The following IL17RA variants were observed in gnomAD, a reference collection of about 807,000 sequenced individuals.
IL17RA encodes interleukin-17 receptor A.
In IL17RA, 34 loss-of-function variants were observed where a neutral mutation model predicts 50.4. The observed-to-expected ratio is 0.67, with a 90% confidence interval of 0.51 to 0.90. The LOEUF (loss-of-function observed/expected upper bound fraction) is 0.90. Ranked by LOEUF, IL17RA falls within the 40% of genes least tolerant of loss-of-function variation. The probability of loss-of-function intolerance (pLI) is 0.00; values close to 1 mark genes in which losing one functional copy is unlikely to be tolerated. For synonymous variants in IL17RA, 585 were observed against 510.4 expected, an observed-to-expected ratio of 1.15 and a Z score of -1.97; for missense variants, 1,276 against 1,169.8, an observed-to-expected ratio of 1.09 and a Z score of -1.32.
At position 17,110,633 on chromosome 22, in the gene IL17RA, AG is replaced by A. The variant is rs971829692; in HGVS notation, c.*814del. 3.9e-5 allele frequency: 6 copies of A among 152,268 alleles called. No individual in the cohort carries two copies. Among genetic ancestry groups the A allele is most frequent in the African/African-American group, 1.2e-4 (5 of 41,366 alleles). 9.4% of individuals were successfully genotyped at this position (152,268 alleles called of 1,614,324 possible). A position where few individuals can be genotyped will look rare whatever the true frequency, so the allele number is the denominator to read the frequency against. On this transcript the variant is annotated 3_prime_UTR_variant, in exon 13 of 13. Coordinates refer to ENST00000319363, the MANE Select transcript of IL17RA (RefSeq NM_014339.7). ...TGCTTGAGCTCAGGAGTTCAAGACCAGCCTGGGCGACATAGTGAGACCTCAT... is the reference window on the plus strand; with the variant it reads ...TGCTTGAGCTCAGGAGTTCAAGACCACCTGGGCGACATAGTGAGACCTCAT...
chr22:17,100,542 G>C, intron 5 of IL17RA, 61 bp downstream of exon 5: 2 of 1,599,778 alleles, frequency 1.3e-6, no homozygotes, highest in Non-Finnish European at 1.7e-6. Context: ...GAAGCACCAG[G>C]TGGCACAGAT....
At chr22:17,087,276 A>G (rs931692974) in intron 1 of IL17RA, among the ~76,000 whole-genome samples, 1 of 152,220 alleles carries the variant, frequency 6.6e-6, no homozygotes, top group East Asian at 1.9e-4. Flanking sequence ...GCAGCATCGC[A>G]CTTACTGTCT....
At chr22:17,090,304 G>A (rs905028734) in intron 1 of IL17RA, among the ~76,000 whole-genome samples, 5 of 152,282 alleles carry the variant, frequency 3.3e-5, no homozygotes, top group South Asian at 2.1e-4. Flanking sequence ...GATTACAGGC[G>A]TGAGCCATGA....
rs749068493 is a variant in IL17RA, at chr22:17,108,855, C to T, written c.1636C>T (p.Arg546Cys). ...GGACCTGGAGATGTTCCAGCCGGGC[C>T]GCATGCACCGCGTAGGGGAGCTGTC... ...IQDLEMFQPG[R>C]MHRVGELSGD... Residue 546 changes from arginine (R) to cysteine (C), a missense_variant, in exon 13 of 13, where the codon CGC becomes TGC. Physicochemically the swap from Arg to Cys is radical, Grantham distance 180. Coordinates refer to ENST00000319363, the MANE Select transcript of IL17RA (RefSeq NM_014339.7). 4.4e-6 allele frequency: 7 copies of T among 1,608,718 alleles called. No individual in the cohort carries two copies. In the East Asian group the frequency reaches 1.1e-4, roughly 26 times the overall value.
Position 17,098,823 on chromosome 22 carries a change from A to G in IL17RA, c.359A>G (p.Asn120Ser). ...GCAGAGTTATCTGTCCTGCAGCTGA[A>G]CACCAATGAACGTTTGTGCGTCAGG... ...EGAELSVLQL[N>S]TNERLCVRFE... The change falls in exon 4 of 13, where the codon AAC becomes AGC. Residue 120 changes from asparagine to serine, a missense_variant. Transcript: ENST00000319363. 1 of 1,614,234 alleles carries G rather than the reference A, an allele frequency of 6.2e-7. No homozygotes were observed. The highest frequency in any genetic ancestry group is 8.5e-7 in the Non-Finnish European group (1 of 1,180,042).
At position 17,108,675 on chromosome 22, in the gene IL17RA, A is replaced by G; in HGVS notation, c.1456A>G (p.Ile486Val). 1 of 1,608,372 alleles carries G rather than the reference A, an allele frequency of 6.2e-7. No individual in the cohort carries two copies. Among genetic ancestry groups the G allele is most frequent in the Non-Finnish European group, 8.5e-7 (1 of 1,179,820 alleles). Residue 486 changes from isoleucine (I) to valine (V), a missense_variant, in exon 13 of 13, where the codon ATC becomes GTC. Coordinates refer to ENST00000319363, the MANE Select transcript of IL17RA (RefSeq NM_014339.7). ...GDLFTAAMNM[I>V]LPDFKRPACF... is the part of the protein sequence containing the mutation. ...CCTGTTCACTGCAGCCATGAACATG[A>G]TCCTCCCGGACTTCAAGAGGCCAGC...
rs773117766 is a variant in IL17RA, at chr22:17,109,080, G to A, written c.1861G>A (p.Ala621Thr). 1.9e-6 allele frequency: 3 copies of A among 1,576,680 alleles called. No individual in the cohort carries two copies. Among genetic ancestry groups the A allele is most frequent in the Non-Finnish European group, 2.6e-6 (3 of 1,170,022 alleles). ...TCCGGGAACCGGCATCGTGAAGCGGGCGCCCCTGGTGCGCGAGCCTGGCTC... is the reference window on the plus strand; with the variant it reads ...TCCGGGAACCGGCATCGTGAAGCGGACGCCCCTGGTGCGCGAGCCTGGCTC... The part of the protein sequence containing the change: ...LPPGTGIVKR[A>T]PLVREPGSQA... Residue 621 changes from alanine to threonine, a missense_variant, in exon 13 of 13, where the codon GCG (alanine) becomes ACG (threonine). By Grantham distance (58) the Ala-to-Thr change is moderately conservative. Coordinates refer to ENST00000319363, the MANE Select transcript of IL17RA (RefSeq NM_014339.7).
At chr22:17,101,616 G>A (rs144675602) in intron 5 of IL17RA, among the ~76,000 whole-genome samples, 165 of 152,312 alleles carry the variant, frequency 1.1e-3, no homozygotes, top group African/African-American at 3.8e-3. Context: ...TCCTAAAGTT[G>A]ACTGACTCAG....
At chr22:17,098,072 T>G (rs545974317) in intron 3 of IL17RA, 129 bp downstream of exon 3, 14 of 1,057,356 alleles carry the variant, frequency 1.3e-5, no homozygotes, top group African/African-American at 4.7e-5. Context: ...GCTATAAGGA[T>G]CCGTCATTTC....
intron 7 of IL17RA, among the ~76,000 whole-genome samples, chr22:17,103,062 A>G (rs2061397486): frequency 6.6e-6 from 1 of 152,208 alleles, no homozygotes; most frequent in South Asian, 2.1e-4. Flanking sequence ...GAATCACTTG[A>G]ACCTGGGAGG....
At position 17,103,579 on chromosome 22, in the gene IL17RA, TG is replaced by T. The variant is rs1240095114; in HGVS notation, c.846+5del. 1 of 1,610,028 alleles carries T rather than the reference TG, an allele frequency of 6.2e-7. No individual in the cohort carries two copies. Among genetic ancestry groups the T allele is most frequent in the Admixed American group, 1.7e-5 (1 of 59,730 alleles). On this transcript the variant is annotated splice_donor_region_variant and intron_variant, in intron 8 of 12. Transcript: ENST00000319363. ...GGGTGCTGTCGCCACCAAGTGCAGG[TG>T]GGTGAGTGTGGTGTGGACAGGTGCA...
intron 3 of IL17RA, 146 bp from the exon 4 acceptor site, chr22:17,098,629 C>A: frequency 1.4e-6 from 1 of 715,870 alleles, no homozygotes; most frequent in South Asian, 1.5e-5. Context: ...AGAGAGTGAA[C>A]TGAAAGGAAC....
chr22:17,087,192 G>GT (rs982560037), intron 1 of IL17RA, among the ~76,000 whole-genome samples: 1 of 152,212 alleles, frequency 6.6e-6, no homozygotes, highest in African/African-American at 2.4e-5. Context: ...CCTCACTGGT[G>GT]TTTTAGTGGA....
intron 6 of IL17RA, 21 bp from the exon 7 acceptor site, chr22:17,102,118 C>T: frequency 4.3e-6 from 7 of 1,614,170 alleles, no homozygotes; most frequent in Non-Finnish European, 5.1e-6. Flanking sequence ...CACTCCCAGC[C>T]TGCGTGTGTG....
chr22:17,100,837 C>T (rs1018242129), intron 5 of IL17RA, among the ~76,000 whole-genome samples: 1 of 152,144 alleles, frequency 6.6e-6, no homozygotes, highest in African/African-American at 2.4e-5. Flanking sequence ...GCCTCTGCCC[C>T]CAGCCTGGTC....
chr22:17,106,881 CT>C (rs2123809033), intron 11 of IL17RA, among the ~76,000 whole-genome samples: 2 of 152,276 alleles, frequency 1.3e-5, no homozygotes, highest in Admixed American at 1.3e-4. Flanking sequence ...TTTTGGTTTC[CT>C]TTCTGCTGTT....
At chr22:17,105,804 G>T (rs943043121) in intron 10 of IL17RA, 49 bp from the exon 11 acceptor site, 11 of 1,522,954 alleles carry the variant, frequency 7.2e-6, no homozygotes, top group Non-Finnish European at 7.2e-6. Flanking sequence ...GCCTCAGGGT[G>T]GGCAGGGCAG....
intron 1 of IL17RA, among the ~76,000 whole-genome samples, chr22:17,088,156 T>C (rs957147434): frequency 4.6e-5 from 7 of 152,304 alleles, no homozygotes; most frequent in African/African-American, 1.2e-4. Context: ...TAAGGTGAGA[T>C]TGAAAGCAGG....
rs768451387 is a variant in IL17RA at position 17,110,655 on chromosome 22, C to G, written c.*835C>G. 6.6e-6 allele frequency: 1 copy of G among 152,070 alleles called. No individual in the cohort carries two copies. Among genetic ancestry groups the G allele is most frequent in the Non-Finnish European group, 1.5e-5 (1 of 68,096 alleles). 9.4% of individuals were successfully genotyped at this position (152,070 alleles called of 1,614,324 possible). A position where few individuals can be genotyped will look rare whatever the true frequency, so the allele number is the denominator to read the frequency against. On this transcript the variant is annotated 3_prime_UTR_variant, in exon 13 of 13. Coordinates refer to ENST00000319363, the MANE Select transcript of IL17RA (RefSeq NM_014339.7). The stretch of plus-strand genomic sequence containing the variant: ...ACCAGCCTGGGCGACATAGTGAGAC[C>G]TCATCTCTACCTAAATTTTTTTTTA...
Sources: allele counts gnomAD v4.1 joint callset (sites outside exome capture counted in the v4.1 genomes callset), GRCh38; gene constraint gnomAD v4.1.1; transcripts MANE v1.5; gene names NCBI Gene and HGNC (gene_info 2026-07-23, HGNC 2026-07-21).